Variants in GAN observed in about 807,000 individuals in gnomAD.
GAN encodes the protein epididymis secretory sperm binding protein.
In GAN, 48 loss-of-function variants were observed where a neutral mutation model predicts 71.3. The ratio of observed to expected loss-of-function variants is 0.67; its 90% CI spans 0.53 to 0.86. The LOEUF (loss-of-function observed/expected upper bound fraction) is 0.86, where lower values mean the gene tolerates loss of function less well. Among genes scored for constraint, GAN ranks in the 40% least tolerant of loss-of-function variants. The pLI is 0.00. For synonymous variants in GAN, 386 were observed against 276.8 expected (o/e 1.39, Z -3.92); for missense variants, 928 against 770.1 (o/e 1.21, Z -2.43).
chr16:81,336,077 A>G (rs1909750911), intron 1 of GAN, among the ~76,000 whole-genome samples: 1 of 152,148 alleles, frequency 6.6e-6, no homozygotes, highest in Admixed American at 6.5e-5. Context: ...GCACTCCTCT[A>G]ACATGTCTTC....
intron 5 of GAN, among the ~76,000 whole-genome samples, chr16:81,359,708 G>T (rs567940159): frequency 1.3e-5 from 2 of 152,220 alleles, no homozygotes; most frequent in East Asian, 3.9e-4. Flanking sequence ...CAAGACCCCC[G>T]AGTGGTTGTC....
intron 1 of GAN, among the ~76,000 whole-genome samples, chr16:81,340,997 C>T (rs1298849217): frequency 6.6e-6 from 1 of 151,704 alleles, no homozygotes; most frequent in East Asian, 2.0e-4. Flanking sequence ...ATGAAGTATA[C>T]ACAAGCTTCA....
intron 2 of GAN, among the ~76,000 whole-genome samples, chr16:81,353,539 C>CT (rs1316234991): frequency 2.6e-5 from 4 of 152,152 alleles, no homozygotes; most frequent in African/African-American, 9.7e-5. Flanking sequence ...GGCAATTATA[C>CT]TTTTTTAAAA....
chr16:81,330,814 G>A (rs1171388995), intron 1 of GAN, among the ~76,000 whole-genome samples: 2 of 152,168 alleles, frequency 1.3e-5, no homozygotes, highest in Non-Finnish European at 2.9e-5. Context: ...AGTGACCAAG[G>A]TCAGCATCAT....
intron 9 of GAN, among the ~76,000 whole-genome samples, chr16:81,370,760 A>G (rs989661426): frequency 2.6e-5 from 4 of 152,262 alleles, no homozygotes; most frequent in African/African-American, 9.6e-5. Flanking sequence ...ACCAGCTTCT[A>G]CACTGGGTTC....
At chr16:81,332,301 T>C (rs764158111) in intron 1 of GAN, among the ~76,000 whole-genome samples, 39 of 152,190 alleles carry the variant, frequency 2.6e-4, no homozygotes, top group Non-Finnish European at 4.9e-4. Flanking sequence ...TCAGACTGGC[T>C]GTGGGGTTGC....
At chr16:81,368,723 C>T (rs993878481) in intron 9 of GAN, among the ~76,000 whole-genome samples, 5 of 152,196 alleles carry the variant, frequency 3.3e-5, no homozygotes, top group Non-Finnish European at 5.9e-5. Flanking sequence ...TTCCCTGCCC[C>T]GCTGCTACCC....
chr16:81,334,204 A>G (rs1410636748), intron 1 of GAN, among the ~76,000 whole-genome samples: 3 of 152,180 alleles, frequency 2.0e-5, no homozygotes, highest in Non-Finnish European at 2.9e-5. Context: ...GGATGATGTG[A>G]TATCAAGAGG....
chr16:81,371,623 G>A (rs1567498907), intron 9 of GAN, among the ~76,000 whole-genome samples: 2 of 152,050 alleles, frequency 1.3e-5, no homozygotes, highest in Non-Finnish European at 1.5e-5. Context: ...ACAAATTGAG[G>A]GGTGCTTCTC....
intron 2 of GAN, among the ~76,000 whole-genome samples, chr16:81,353,256 C>T (rs971680755): frequency 1.4e-5 from 2 of 144,320 alleles, no homozygotes; most frequent in East Asian, 2.1e-4. Flanking sequence ...TGCGCCACTG[C>T]ACTCCAGCGT....
chr16:81,360,543 T>G (rs1910640381), intron 5 of GAN, among the ~76,000 whole-genome samples: 1 of 152,230 alleles, frequency 6.6e-6, no homozygotes, highest in East Asian at 1.9e-4. Context: ...TCTCCTTAAC[T>G]CTGATTAATC....
chr16:81,318,155 AAC>A (rs577954518), intron 1 of GAN, among the ~76,000 whole-genome samples: 24 of 152,312 alleles, frequency 1.6e-4, no homozygotes, highest in African/African-American at 5.8e-4. Flanking sequence ...ATTATATTGA[AAC>A]AAAATATATT....
chr16:81,335,127 G>A (rs1017671483), intron 1 of GAN, among the ~76,000 whole-genome samples: 2 of 126,950 alleles, frequency 1.6e-5, no homozygotes, highest in Non-Finnish European at 1.6e-5. Flanking sequence ...ATCTAGGGAA[G>A]GATTAAACTG....
At chr16:81,358,044 G>A in intron 5 of GAN, 113 bp downstream of exon 5, 3 of 927,412 alleles carry the variant, frequency 3.2e-6, no homozygotes, top group South Asian at 2.7e-5. Flanking sequence ...ATCTCTACAT[G>A]ACATTTTTAG....
chr16:81,318,271 A>G (rs578061695), intron 1 of GAN, among the ~76,000 whole-genome samples: 1 of 152,194 alleles, frequency 6.6e-6, no homozygotes, highest in East Asian at 1.9e-4. Flanking sequence ...AAAGTTTGGT[A>G]ATCTCTGAAG....
chr16:81,371,799 C>T (rs1280076300), intron 9 of GAN: 1 of 152,178 alleles, frequency 6.6e-6, no homozygotes, highest in Non-Finnish European at 1.5e-5. Flanking sequence ...GAGAAAGCTA[C>T]CAAGAAACAG....
At chr16:81,369,792 G>C (rs1440350568) in intron 9 of GAN, among the ~76,000 whole-genome samples, 2 of 151,600 alleles carry the variant, frequency 1.3e-5, no homozygotes, top group Admixed American at 6.6e-5. Context: ...CCGTGGTCTC[G>C]ATCTCCTGAC....
intron 1 of GAN, among the ~76,000 whole-genome samples, chr16:81,338,305 A>C (rs1023771075): frequency 1.3e-5 from 2 of 152,232 alleles, no homozygotes; most frequent in Admixed American, 6.5e-5. Flanking sequence ...TAAGACTTCC[A>C]AGAAATTTAC....
Position 81,390,011 on chromosome 16 carries a change from G to C in GAN, c.*12415G>C, listed in dbSNP as rs1904517195. The C allele has an allele frequency of 2.0e-5, 3 of 152,058 alleles. No individual in the cohort carries two copies. 9.4% of individuals were successfully genotyped at this position (152,058 alleles called of 1,614,324 possible). Reference sequence around the variant, plus strand: ...CAGAATAGTATTTCTTTTAAATCCTGCAACTTTATTATCTAGTAGAATTCC... The same window carrying C: ...CAGAATAGTATTTCTTTTAAATCCTCCAACTTTATTATCTAGTAGAATTCC... On this transcript the variant is annotated 3_prime_UTR_variant, in exon 11 of 11. Coordinates refer to ENST00000648994, the MANE Select transcript of GAN (RefSeq NM_022041.4).
Sources: allele counts gnomAD v4.1 joint callset (sites outside exome capture counted in the v4.1 genomes callset), GRCh38; gene constraint gnomAD v4.1.1; transcripts MANE v1.5; gene names NCBI Gene and HGNC (gene_info 2026-07-23, HGNC 2026-07-21).